IDH3B: variants seen among roughly 807,000 people sequenced by gnomAD.
IDH3B encodes isocitrate dehydrogenase (NAD(+)) 3 non-catalytic subunit beta.
IDH3B carries 40 observed loss-of-function variants against 47.5 expected under a neutral mutation model. The observed-to-expected ratio is 0.84, with a 90% confidence interval of 0.65 to 1.10. IDH3B has a LOEUF of 1.10. Among genes scored for constraint, IDH3B ranks in the 50% least tolerant of loss-of-function variants. IDH3B has a pLI of 0.00. For missense variants in IDH3B, 450 were observed against 505.2 expected (o/e 0.89, Z 1.05); for synonymous variants, 185 against 191.0 (o/e 0.97, Z 0.26).
At chr20:2,664,064 C>T in intron 1 of IDH3B, 59 bp from the exon 2 acceptor site, 1 of 1,610,692 alleles carries the variant, frequency 6.2e-7, no homozygotes, top group Non-Finnish European at 8.5e-7. Context: ...ACCCCGAACA[C>T]TACAGTTGAC....
At chr20:2,664,101 C>A in intron 1 of IDH3B, 52 bp downstream of exon 1, 38 of 1,607,866 alleles carry the variant, frequency 2.4e-5, no homozygotes, top group Non-Finnish European at 3.2e-5. Flanking sequence ...AACCCTAGGA[C>A]AAACTCTCCG....
In IDH3B at chr20:2,659,696, T is replaced by C; in HGVS notation, c.1010+3A>G. ...CCTCTGCCGACAGCCTCCCATGACC[T>C]ACTTAAGATGCCGCAGCATGTTGGA... On this transcript the variant is annotated splice_donor_region_variant and intron_variant, in intron 10 of 11. Coordinates refer to ENST00000380843, the MANE Select transcript of IDH3B (RefSeq NM_006899.5). The C allele has an allele frequency of 6.2e-7, 1 of 1,613,678 alleles. No individual in the cohort carries two copies. The highest frequency in any genetic ancestry group is 8.5e-7 in the Non-Finnish European group (1 of 1,179,626).
In IDH3B at chr20:2,660,178, T is replaced by G; in HGVS notation, c.769-2A>C. ...AAACTGGTAAGGATTCTGCACCAGC[T>G]AGAGGGTGAGATGCAGGCATGAAGT... On this transcript the variant is annotated splice_acceptor_variant, in intron 8 of 11. Coordinates refer to ENST00000380843, the MANE Select transcript of IDH3B (RefSeq NM_006899.5). LOFTEE classifies it high-confidence loss of function. This position sits in a 1 kb window ranked among gnomAD's most constrained non-coding sequence, Gnocchi z 5.6. The G allele has an allele frequency of 6.2e-7, 1 of 1,614,096 alleles. No individual in the cohort carries two copies. The highest frequency in any genetic ancestry group is 1.1e-5 in the South Asian group (1 of 91,076).
At chr20:2,663,333 TG>T in intron 4 of IDH3B, 112 bp downstream of exon 4, 1 of 1,235,134 alleles carries the variant, frequency 8.1e-7, no homozygotes, top group Non-Finnish European at 1.2e-6. Context: ...ATACCAATGG[TG>T]GTTGCCCTGG....
intron 4 of IDH3B, among the ~76,000 whole-genome samples, chr20:2,662,702 C>A (rs1476449640): frequency 6.6e-6 from 1 of 152,062 alleles, no homozygotes; most frequent in Non-Finnish European, 1.5e-5. Flanking sequence ...CACTTGTAAT[C>A]CCAGCACTGT....
chr20:2,663,942 C>T lies in IDH3B; in HGVS notation c.100G>A (p.Ala34Thr). ...RGLSTSAAAH[A>T]ASRSQAEDVR... ...GTGCATACCTGGCTCCGCGATGCAG[C>T]GTGCGCCGCGGCCGAGGTACTCAGA... The change falls in exon 2 of 12, where the codon GCT becomes ACT. Residue 34 changes from alanine to threonine, a missense_variant. Ala to Thr is a moderately conservative substitution (Grantham distance 58). Transcript: ENST00000380843. The T allele has an allele frequency of 1.2e-6, 2 of 1,614,090 alleles. No individual in the cohort carries two copies. The highest frequency in any genetic ancestry group is 1.7e-6 in the Non-Finnish European group (2 of 1,180,004).
Position 2,658,447 on chromosome 20 carries a change from G to T in IDH3B, c.*304C>A. On this transcript the variant is annotated 3_prime_UTR_variant, in exon 12 of 12. Transcript: ENST00000380843. ...TACATGGGTATGGACAGGGCCTATG[G>T]GTGGGGCAAGGCAGCAATGACAGCC... The T allele has an allele frequency of 1.2e-6, 2 of 1,614,100 alleles. No individual in the cohort carries two copies. Among genetic ancestry groups the T allele is most frequent in the African/African-American group, 1.3e-5 (1 of 75,038 alleles).
At chr20:2,659,247 C>T (rs915496804) in intron 11 of IDH3B, 3 of 1,444,524 alleles carry the variant, frequency 2.1e-6, no homozygotes, top group Non-Finnish European at 2.7e-6. Context: ...GCTGCAAGTT[C>T]TGCATTCAGA....
In IDH3B at chr20:2,659,601, G is replaced by A. The variant is rs756591773; in HGVS notation, c.1011-16C>T. The A allele has an allele frequency of 6.2e-7, 1 of 1,613,962 alleles. No homozygotes were observed. The highest frequency in any genetic ancestry group is 8.5e-7 in the Non-Finnish European group (1 of 1,179,790). ...ATACTCAAGACTGTGGATATGGACA[G>A]GAAGAAACTGTGACTCCCCCAAGAC... On this transcript the variant is annotated splice_polypyrimidine_tract_variant and intron_variant, in intron 10 of 11. Transcript: ENST00000380843.
chr20:2,662,681 A>G (rs917365847), intron 4 of IDH3B, among the ~76,000 whole-genome samples: 2 of 152,032 alleles, frequency 1.3e-5, no homozygotes, highest in East Asian at 1.9e-4. Flanking sequence ...TAGCCTGGGC[A>G]TGGTGGCTCA....
rs1324706677 is a variant in IDH3B, at chr20:2,661,363, AT to A, written c.338-395del. On this transcript the variant is annotated intron_variant, in intron 4 of 11. Transcript: ENST00000380843. Reference sequence around the variant, plus strand: ...AGGCATGTGCCACCACACCTGGCTAATTTTTTGTATTTTTAGTAGAGGCAGT... The same window carrying A: ...AGGCATGTGCCACCACACCTGGCTAATTTTTGTATTTTTAGTAGAGGCAGT... 2.6e-5 allele frequency among the ~76,000 whole-genome samples: 4 copies of A among 152,220 alleles called. No homozygotes were observed. The East Asian group carries it at 5.8e-4, about 22-fold the overall frequency.
intron 4 of IDH3B, 128 bp downstream of exon 4, chr20:2,663,318 T>A: frequency 8.7e-7 from 1 of 1,154,864 alleles, no homozygotes; most frequent in Non-Finnish European, 1.3e-6. Context: ...GGAACAAATG[T>A]CCAAATACCA....
chr20:2,660,340 G>A lies in IDH3B; in HGVS notation c.691C>T (p.Gln231Ter). Residue 231 changes from glutamine to a stop codon, truncating the protein, a stop_gained, in exon 8 of 12, where the codon CAG (glutamine) becomes TAG (stop). Coordinates refer to ENST00000380843, the MANE Select transcript of IDH3B (RefSeq NM_006899.5). LOFTEE classifies it high-confidence loss of function. The surrounding 1 kb of genome is among the most constrained non-coding windows in gnomAD (Gnocchi z 5.6). ...AGTTCAGCAACTTCCTCACAGCACT[G>A]CAGGAACAACCCATCCCCAAGTTTC... The part of the protein sequence containing the change: ...IMKLGDGLFL[Q>*]CCEEVAELYP... 45 of 1,614,126 alleles carry A rather than the reference G, an allele frequency of 2.8e-5. No individual in the cohort carries two copies. The highest frequency in any genetic ancestry group is 3.8e-5 in the Non-Finnish European group (45 of 1,180,020).
rs201186040 is a variant in IDH3B, at chr20:2,663,618, C to G, written c.216+42G>C. 1.6e-5 allele frequency: 26 copies of G among 1,614,088 alleles called. No individual in the cohort carries two copies. The East Asian group carries it at 5.8e-4, about 36-fold the overall frequency. Reference sequence around the variant, plus strand: ...ACAGTCAAGGCCAAGTCCTTTCCAACACACTACTGTCCTCTACTGTCTGAT... The same window carrying G: ...ACAGTCAAGGCCAAGTCCTTTCCAAGACACTACTGTCCTCTACTGTCTGAT... On this transcript the variant is annotated intron_variant, in intron 3 of 11. Coordinates refer to ENST00000380843, the MANE Select transcript of IDH3B (RefSeq NM_006899.5).
At chr20:2,661,044 C>G in intron 4 of IDH3B, 75 bp from the exon 5 acceptor site, 3 of 1,255,534 alleles carry the variant, frequency 2.4e-6, no homozygotes, top group Non-Finnish European at 3.5e-6. Context: ...TGTCTAACCC[C>G]CTTAGGAACA....
Position 2,659,872 on chromosome 20 carries a change from T to C in IDH3B, c.916-79A>G, listed in dbSNP as rs550173774. ...AGGCTTAGGTTGGAAAAGGACATTA[T>C]GGGAGGGGGAGCTCAGGCCAGGGTC... On this transcript the variant is annotated intron_variant, in intron 9 of 11. Coordinates refer to ENST00000380843, the MANE Select transcript of IDH3B (RefSeq NM_006899.5). The C allele has an allele frequency of 2.3e-5, 33 of 1,427,198 alleles. No individual in the cohort carries two copies. The East Asian group carries it at 6.6e-4, about 29-fold the overall frequency. 88.4% of individuals were successfully genotyped at this position (1,427,198 alleles called of 1,614,324 possible).
intron 9 of IDH3B, 107 bp from the exon 10 acceptor site, chr20:2,659,900 T>G: frequency 6.8e-7 from 1 of 1,461,514 alleles, no homozygotes; most frequent in Non-Finnish European, 9.6e-7. Flanking sequence ...CCAGGGTCAC[T>G]GAAAAGAGGC....
At chr20:2,662,239 CAGGT>C (rs1336939221) in intron 4 of IDH3B, among the ~76,000 whole-genome samples, 21 of 152,252 alleles carry the variant, frequency 1.4e-4, no homozygotes, top group African/African-American at 5.1e-4. Context: ...AGGACTCTAA[CAGGT>C]AGCACCAAAG....
rs1421483951 is a variant in IDH3B at position 2,660,656 on chromosome 20, C to T, written c.531+41G>A. On this transcript the variant is annotated intron_variant, in intron 6 of 11. Transcript: ENST00000380843. This position sits in a 1 kb window ranked among gnomAD's most constrained non-coding sequence, Gnocchi z 5.6. ...GGAAACAAGGAGCTCCACCTCTCTC[C>T]CATCTTCATCCTTGCCCTCCCCCAG... The T allele has an allele frequency of 6.2e-7, 1 of 1,614,034 alleles. No homozygotes were observed. Among genetic ancestry groups the T allele is most frequent in the Non-Finnish European group, 8.5e-7 (1 of 1,180,036 alleles).
Sources: gnomAD v4.1 joint callset for allele counts (sites outside exome capture counted in the v4.1 genomes callset) on GRCh38, gnomAD v4.1.1 for gene constraint, Gnocchi (gnomAD v3.1) non-coding constraint, MANE v1.5 for transcripts, NCBI Gene and HGNC (gene_info 2026-07-23, HGNC 2026-07-21) for gene names.